Variants in CPVL observed in about 807,000 individuals in gnomAD.
The protein encoded by CPVL is probable serine carboxypeptidase CPVL.
Under a neutral mutation model 63.7 loss-of-function variants are expected in CPVL, and 51 were observed. The observed-to-expected ratio is 0.80, with a 90% CI of 0.64 to 1.01. The LOEUF (loss-of-function observed/expected upper bound fraction) is 1.01. Among genes scored for constraint, CPVL ranks in the 50% least tolerant of loss-of-function variants. The pLI, the probability that CPVL is intolerant of heterozygous loss-of-function variation, is 0.00. For missense variants in CPVL, 530 were observed against 573.1 expected (o/e 0.92, Z 0.77); for synonymous variants, 195 against 206.0 (o/e 0.95, Z 0.46).
At chr7:29,138,997 T>C (rs1791558793) in intron 1 of CPVL, among the ~76,000 whole-genome samples, 1 of 152,244 alleles carries the variant, frequency 6.6e-6, no homozygotes, top group African/African-American at 2.4e-5. Flanking sequence ...TCATTACACA[T>C]GTATTTCTCA....
intron 2 of CPVL, among the ~76,000 whole-genome samples, chr7:29,119,683 G>A (rs1435345501): frequency 6.6e-6 from 1 of 152,090 alleles, no homozygotes; most frequent in Admixed American, 6.6e-5. Flanking sequence ...TATCTCATTG[G>A]ATTTTCATAA....
chr7:29,151,165 G>T (rs1446163924), upstream of CPVL, among the ~76,000 whole-genome samples: 1 of 152,188 alleles, frequency 6.6e-6, no homozygotes, highest in African/African-American at 2.4e-5. Context: ...ACTAGCCACA[G>T]GCTACAGACT....
chr7:29,194,780 A>C (rs1170381951), intron 1 of CPVL: 13 of 506,880 alleles, frequency 2.6e-5, no homozygotes, highest in Non-Finnish European at 4.1e-5. Context: ...CATCTGGTGG[A>C]GCAGGAAGTG....
rs182568030 is a variant in CPVL at position 29,176,772 on chromosome 7, G to A, written c.-11+4518C>T. Among the ~76,000 whole-genome samples, 29 of 152,236 alleles carry A rather than the reference G, an allele frequency of 1.9e-4. No individual in the cohort carries two copies. The East Asian group carries it at 4.0e-3, about 21-fold the overall frequency. ...GGCTAACTTCTGGTGTTTAAAAAAC[G>A]AGATTGAGCTGAAATACTAGAAGGA... On this transcript the variant is annotated intron_variant, in intron 5 of 16. Coordinates refer to the CPVL transcript ENST00000409850.
intron 2 of CPVL, among the ~76,000 whole-genome samples, chr7:29,114,197 A>G (rs1056883777): frequency 2.6e-5 from 4 of 152,152 alleles, no homozygotes; most frequent in Non-Finnish European, 5.9e-5. Flanking sequence ...GCTGGTTGCT[A>G]AACTTTTACC....
chr7:29,181,056 T>C (rs1337540271), intron 5 of CPVL, among the ~76,000 whole-genome samples: 1 of 152,204 alleles, frequency 6.6e-6, no homozygotes, highest in Non-Finnish European at 1.5e-5. Context: ...TCCCTAGTAA[T>C]CAGTTAGATA....
intron 11 of CPVL, among the ~76,000 whole-genome samples, chr7:29,055,584 G>A (rs1467951988): frequency 3.3e-5 from 5 of 152,112 alleles, no homozygotes; most frequent in Admixed American, 1.3e-4. Context: ...GCTTCTGCTA[G>A]TTGCCAGAGT....
intron 3 of CPVL, among the ~76,000 whole-genome samples, chr7:29,105,423 A>G (rs1787625972): frequency 6.6e-6 from 1 of 152,246 alleles, no homozygotes; most frequent in African/African-American, 2.4e-5. Context: ...TGATCTGTCA[A>G]GGGAGAAGAA....
At chr7:29,096,911 G>A (rs1786469311) in intron 3 of CPVL, among the ~76,000 whole-genome samples, 1 of 150,240 alleles carries the variant, frequency 6.7e-6, no homozygotes, top group African/African-American at 2.5e-5. Flanking sequence ...CTCAAACCCT[G>A]GAGACGGAGG....
intron 7 of CPVL, among the ~76,000 whole-genome samples, chr7:29,085,980 T>C (rs1785159085): frequency 6.6e-6 from 1 of 152,098 alleles, no homozygotes; most frequent in Admixed American, 6.6e-5. Flanking sequence ...GAGCATGCAT[T>C]GGGCCCTGGG....
chr7:29,195,283 G>C (rs553793457), upstream of CPVL: 1 of 374,424 alleles, frequency 2.7e-6, no homozygotes, highest in East Asian at 4.5e-5. Context: ...GAGCGGGCAG[G>C]CTCGCACTTT....
intron 5 of CPVL, among the ~76,000 whole-genome samples, chr7:29,153,098 AT>A (rs1453002061): frequency 6.6e-6 from 1 of 152,214 alleles, no homozygotes; most frequent in Non-Finnish European, 1.5e-5. Flanking sequence ...AAGTCTCAGA[AT>A]TATAAACTCA....
At chr7:29,022,172 C>T (rs1043934450) in intron 12 of CPVL, among the ~76,000 whole-genome samples, 1 of 152,152 alleles carries the variant, frequency 6.6e-6, no homozygotes, top group Non-Finnish European at 1.5e-5. Flanking sequence ...CAGGCACTGT[C>T]CAAGGACCTG....
intron 3 of CPVL, among the ~76,000 whole-genome samples, chr7:29,108,590 A>G (rs950245978): frequency 6.6e-6 from 1 of 152,320 alleles, no homozygotes; most frequent in African/African-American, 2.4e-5. Flanking sequence ...ATTTGTGTTA[A>G]TAATTTTAAA....
In CPVL at chr7:29,146,363, G is replaced by A. The variant is rs1792632810; in HGVS notation, c.-11+66C>T. 8.3e-6 allele frequency: 5 copies of A among 600,122 alleles called. No individual in the cohort carries two copies. The East Asian group carries it at 1.3e-4, about 15-fold the overall frequency. 37.2% of individuals were successfully genotyped at this position (600,122 alleles called of 1,614,324 possible). ...TACCTGCCCCGCGCTCCCTAAGTCC[G>A]AGGGACCGAGGCGAGGACCTGTCCC... On this transcript the variant is annotated intron_variant, in intron 1 of 12. Coordinates refer to ENST00000265394, the MANE Select transcript of CPVL (RefSeq NM_031311.5).
chr7:29,143,981 G>A (rs1792177805), intron 1 of CPVL, among the ~76,000 whole-genome samples: 1 of 152,160 alleles, frequency 6.6e-6, no homozygotes, highest in Admixed American at 6.5e-5. Flanking sequence ...GTCTATTAAG[G>A]CTTACATCTT....
At chr7:29,086,029 C>T (rs1785165382) in intron 7 of CPVL, among the ~76,000 whole-genome samples, 1 of 152,176 alleles carries the variant, frequency 6.6e-6, no homozygotes, top group African/African-American at 2.4e-5. Flanking sequence ...CATGGTGGCT[C>T]ATGCCTGTAA....
At chr7:29,171,355 G>C (rs1041855037) in intron 5 of CPVL, among the ~76,000 whole-genome samples, 1 of 152,120 alleles carries the variant, frequency 6.6e-6, no homozygotes, top group African/African-American at 2.4e-5. Flanking sequence ...GATTCTGTGG[G>C]GATACAAACC....
rs532095721 is a variant in CPVL at position 29,104,328 on chromosome 7, T to C, written c.289-8111A>G. 3.3e-4 allele frequency among the ~76,000 whole-genome samples: 50 copies of C among 152,308 alleles called. No homozygotes were observed. In the South Asian group the frequency reaches 3.7e-3, roughly 11 times the overall value. On this transcript the variant is annotated intron_variant, in intron 3 of 12. Transcript: ENST00000265394. ...CCAGGCTGGAGTGCAATGGCACGAC[T>C]TGGCTCACTGCAACCTCCACCTTCC...
Sources: gnomAD v4.1 joint callset for allele counts (sites outside exome capture counted in the v4.1 genomes callset) on GRCh38, gnomAD v4.1.1 for gene constraint, MANE v1.5 for transcripts, NCBI Gene and HGNC (gene_info 2026-07-23, HGNC 2026-07-21) for gene names.